PLPPR5: variants seen among roughly 807,000 people sequenced by gnomAD.
The protein encoded by PLPPR5 is phospholipid phosphatase-related protein type 5.
Under a neutral mutation model 33.9 loss-of-function variants are expected in PLPPR5, and 16 were observed. The ratio of observed to expected loss-of-function variants is 0.47; its 90% CI spans 0.32 to 0.72. PLPPR5 has a LOEUF of 0.72. PLPPR5 is among the 30% of genes least tolerant of loss of function. The pLI is 0.03. For missense variants in PLPPR5, 301 were observed against 406.7 expected, an observed-to-expected ratio of 0.74 and a Z score of 2.23; for synonymous variants, 163 against 150.3, an observed-to-expected ratio of 1.08 and a Z score of -0.62.
chr1:98,896,973 G>C (rs375533163), intron 5 of PLPPR5, among the ~76,000 whole-genome samples: 6 of 152,006 alleles, frequency 3.9e-5, no homozygotes, highest in Middle Eastern at 3.2e-3. Flanking sequence ...ATGCAAAAAG[G>C]GCACTCCAGG....
intron 5 of PLPPR5, among the ~76,000 whole-genome samples, chr1:98,909,935 C>G (rs1649061268): frequency 6.6e-6 from 1 of 152,068 alleles, no homozygotes; most frequent in South Asian, 2.1e-4. Context: ...TACTTGTCTT[C>G]CAGAAAAATC....
intron 1 of PLPPR5, among the ~76,000 whole-genome samples, chr1:98,979,701 T>C (rs1651988167): frequency 6.6e-6 from 1 of 152,084 alleles, no homozygotes; most frequent in African/African-American, 2.4e-5. Flanking sequence ...GGTAATCTGA[T>C]GTGGGGCTGC....
chr1:98,920,456 C>CAAAAAAAA (rs67392220), intron 4 of PLPPR5, among the ~76,000 whole-genome samples: 1 of 94,108 alleles, frequency 1.1e-5, no homozygotes, highest in Non-Finnish European at 2.2e-5. Flanking sequence ...TGAGTCAATG[C>CAAAAAAAA]AAAAAAAAAA....
At chr1:98,894,037 G>A (rs902157484) in intron 5 of PLPPR5, among the ~76,000 whole-genome samples, 1 of 151,932 alleles carries the variant, frequency 6.6e-6, no homozygotes, top group African/African-American at 2.4e-5. Flanking sequence ...TATTTAAAAT[G>A]TGTGTAAAGA....
At chr1:98,970,961 C>A (rs1465719103) in intron 1 of PLPPR5, among the ~76,000 whole-genome samples, 2 of 152,002 alleles carry the variant, frequency 1.3e-5, no homozygotes, top group African/African-American at 4.8e-5. Context: ...AGTATAATTT[C>A]TTCCAATAAG....
intron 1 of PLPPR5, among the ~76,000 whole-genome samples, chr1:98,962,745 A>G (rs1340733575): frequency 1.3e-5 from 2 of 152,326 alleles, no homozygotes; most frequent in East Asian, 3.9e-4. Flanking sequence ...CCTGGACTCA[A>G]GCCATCCTCC....
At chr1:98,910,195 T>C (rs1354274667) in intron 5 of PLPPR5, among the ~76,000 whole-genome samples, 1 of 152,226 alleles carries the variant, frequency 6.6e-6, no homozygotes, top group African/African-American at 2.4e-5. Flanking sequence ...TAATGCTAAC[T>C]CTTGGCCATA....
chr1:98,963,621 C>T (rs900656268), intron 1 of PLPPR5, among the ~76,000 whole-genome samples: 3 of 152,162 alleles, frequency 2.0e-5, no homozygotes, highest in Non-Finnish European at 4.4e-5. Context: ...ACCACAGCCT[C>T]TGCCTGGGAA....
At chr1:98,927,096 C>G (rs1289475140) in intron 3 of PLPPR5, among the ~76,000 whole-genome samples, 2 of 152,118 alleles carry the variant, frequency 1.3e-5, no homozygotes, top group Non-Finnish European at 2.9e-5. Context: ...GTACAATAAG[C>G]AGTGGGATAT....
At chr1:98,952,081 G>A (rs1478818528) in intron 3 of PLPPR5, among the ~76,000 whole-genome samples, 1 of 152,076 alleles carries the variant, frequency 6.6e-6, no homozygotes, top group African/African-American at 2.4e-5. Context: ...TGGCCAACAT[G>A]GTGAAACCCC....
chr1:98,975,367 A>G (rs769801045), intron 1 of PLPPR5, among the ~76,000 whole-genome samples: 3 of 152,086 alleles, frequency 2.0e-5, no homozygotes, highest in Non-Finnish European at 4.4e-5. Context: ...CAGATTTTGC[A>G]TTGTTCTCTT....
chr1:98,909,823 T>G lies in PLPPR5; in HGVS notation c.933+4963A>C, dbSNP rs1649055930. On this transcript the variant is annotated intron_variant, in intron 5 of 5. Coordinates refer to ENST00000263177, the MANE Select transcript of PLPPR5 (RefSeq NM_001037317.2). ...TGACAAGCAGTCATAAAAAAGTTAC[T>G]AGTAACCTGAATATTTAGTGGACGT... is the stretch of plus-strand genomic sequence containing the variant. Among the ~76,000 whole-genome samples the G allele has an allele frequency of 2.0e-5, 3 of 149,574 alleles. No homozygotes were observed. In the South Asian group the frequency reaches 6.6e-4, roughly 33 times the overall value.
chr1:98,940,360 C>A (rs1407485588), intron 3 of PLPPR5, among the ~76,000 whole-genome samples: 1 of 151,850 alleles, frequency 6.6e-6, no homozygotes, highest in Non-Finnish European at 1.5e-5. Context: ...GAGGGCCTTA[C>A]CCCTTCATGA....
At position 98,892,352 on chromosome 1, in the gene PLPPR5, T is replaced by C. The variant is rs1485995707; in HGVS notation, c.*720A>G. 2 of 152,410 alleles carry C rather than the reference T, an allele frequency of 1.3e-5. No homozygotes were observed. The highest frequency in any genetic ancestry group is 2.9e-5 in the Non-Finnish European group (2 of 67,982). The allele number at this position is 152,410 out of a possible 1,614,324, so 9.4% of individuals were successfully genotyped here. The stretch of plus-strand genomic sequence containing the variant: ...AAACAAGTCATGAATTAAGCCACAA[T>C]TGTCAGGAGAAGAAGTCCAAATAAA... On this transcript the variant is annotated 3_prime_UTR_variant, in exon 6 of 6. Coordinates refer to ENST00000263177, the MANE Select transcript of PLPPR5 (RefSeq NM_001037317.2).
chr1:98,946,653 AGCAGGACCTCATCCCTCCT>A (rs1370971874), intron 3 of PLPPR5, among the ~76,000 whole-genome samples: 5 of 152,090 alleles, frequency 3.3e-5, no homozygotes, highest in Non-Finnish European at 7.4e-5. Context: ...GATGCTTGCC[AGCAGGACCTCATCCCTCCT>A]GGACATTGGG....
At chr1:98,974,868 C>T (rs77127634) in intron 1 of PLPPR5, among the ~76,000 whole-genome samples, 3 of 152,040 alleles carry the variant, frequency 2.0e-5, no homozygotes, top group African/African-American at 4.8e-5. Context: ...ACCTCAGTTG[C>T]TCTAAGGCTG....
chr1:98,913,477 C>G (rs887147260), intron 5 of PLPPR5, among the ~76,000 whole-genome samples: 1 of 152,138 alleles, frequency 6.6e-6, no homozygotes, highest in African/African-American at 2.4e-5. Context: ...ATGCTGTTGA[C>G]ACGTGTTGAC....
intron 3 of PLPPR5, among the ~76,000 whole-genome samples, chr1:98,939,521 A>G (rs1226685542): frequency 6.6e-6 from 1 of 152,004 alleles, no homozygotes; most frequent in East Asian, 1.9e-4. Context: ...TGGGAAGCAT[A>G]TATTCTATGC....
At chr1:98,989,456 G>A (rs116532463) in intron 1 of PLPPR5, among the ~76,000 whole-genome samples, 1 of 152,232 alleles carries the variant, frequency 6.6e-6, no homozygotes, top group African/African-American at 2.4e-5. Flanking sequence ...CACAAATGGT[G>A]TGTTAACACT....
Sources: allele counts gnomAD v4.1 joint callset (sites outside exome capture counted in the v4.1 genomes callset), GRCh38; gene constraint gnomAD v4.1.1; transcripts MANE v1.5; gene names NCBI Gene and HGNC (gene_info 2026-07-23, HGNC 2026-07-21).